Variants in ARSB observed in about 807,000 individuals in gnomAD.
ARSB encodes arylsulfatase B.
A neutral mutation model predicts 50.9 loss-of-function variants in ARSB; 41 were observed. The observed-to-expected ratio is 0.81, with a 90% CI of 0.63 to 1.04. The LOEUF (loss-of-function observed/expected upper bound fraction) is 1.04, where lower values mean the gene tolerates loss of function less well. Ranked by LOEUF, ARSB falls within the 50% of genes least tolerant of loss-of-function variation. The pLI is 0.00. For synonymous variants in ARSB, 269 were observed against 284.8 expected, an observed-to-expected ratio of 0.94 and a Z score of 0.56; for missense variants, 672 against 693.3, an observed-to-expected ratio of 0.97 and a Z score of 0.35.
At chr5:78,861,804 G>C (rs1460604436) in intron 5 of ARSB, among the ~76,000 whole-genome samples, 2 of 152,138 alleles carry the variant, frequency 1.3e-5, no homozygotes, top group African/African-American at 4.8e-5. Flanking sequence ...ATTCAATTAG[G>C]AAAAGAGGAA....
chr5:78,847,505 G>C (rs1745500156), intron 5 of ARSB, among the ~76,000 whole-genome samples: 3 of 152,076 alleles, frequency 2.0e-5, no homozygotes, highest in African/African-American at 7.2e-5. Context: ...TGTTCATTGG[G>C]GATACTGGCC....
chr5:78,976,496 T>C (rs1328045470), intron 1 of ARSB, among the ~76,000 whole-genome samples: 2 of 152,034 alleles, frequency 1.3e-5, no homozygotes, highest in East Asian at 3.9e-4. Context: ...TTTAACTTTT[T>C]ATAGAGATGG....
At chr5:78,790,998 C>A (rs1484407826) in intron 6 of ARSB, among the ~76,000 whole-genome samples, 1 of 152,158 alleles carries the variant, frequency 6.6e-6, no homozygotes, top group East Asian at 1.9e-4. Context: ...GTTTGTTTGG[C>A]CTGCCATTCA....
At chr5:78,823,955 AG>A (rs147329209) in intron 6 of ARSB, among the ~76,000 whole-genome samples, 4 of 152,058 alleles carry the variant, frequency 2.6e-5, no homozygotes, top group Non-Finnish European at 4.4e-5. Flanking sequence ...CCAATGTTGG[AG>A]GGGGGGCACA....
At chr5:78,799,126 A>G (rs548303014) in intron 6 of ARSB, among the ~76,000 whole-genome samples, 3 of 152,380 alleles carry the variant, frequency 2.0e-5, no homozygotes, top group Middle Eastern at 3.4e-3. Context: ...CATCTGAGAC[A>G]GTAAGCAAAG....
At chr5:78,784,942 G>A (rs540346917) in intron 6 of ARSB, among the ~76,000 whole-genome samples, 2 of 152,052 alleles carry the variant, frequency 1.3e-5, no homozygotes, top group South Asian at 4.2e-4. Flanking sequence ...GGGATTACAG[G>A]TGCATGCCAC....
intron 1 of ARSB, among the ~76,000 whole-genome samples, chr5:78,972,075 G>A (rs1407179208): frequency 6.6e-6 from 1 of 152,186 alleles, no homozygotes; most frequent in African/African-American, 2.4e-5. Context: ...GACCTATGAG[G>A]ATCAAGTCAA....
chr5:78,876,896 A>G (rs1747506668), intron 5 of ARSB, among the ~76,000 whole-genome samples: 1 of 152,280 alleles, frequency 6.6e-6, no homozygotes, highest in East Asian at 1.9e-4. Flanking sequence ...TGCGAATCCT[A>G]CTGTGAACTG....
chr5:78,856,308 A>G (rs1193653506), intron 5 of ARSB, among the ~76,000 whole-genome samples: 1 of 152,172 alleles, frequency 6.6e-6, no homozygotes, highest in Admixed American at 6.5e-5. Flanking sequence ...GTTCCTATAG[A>G]GCAAAAGATG....
chr5:78,872,812 TA>T (rs976138770), intron 5 of ARSB, among the ~76,000 whole-genome samples: 5 of 77,758 alleles, frequency 6.4e-5, no homozygotes, highest in African/African-American at 2.7e-4. Context: ...ACTTAAAGTA[TA>T]ATTAAAAAAA....
rs186184076 is a variant in ARSB, at chr5:78,847,755, A to G, written c.1143-8329T>C. On this transcript the variant is annotated intron_variant, in intron 5 of 7. Coordinates refer to ENST00000264914, the MANE Select transcript of ARSB (RefSeq NM_000046.5). ...CAATCTCATTACTTATAATTGGTCT[A>G]TTCAGGTTTTCTATTTCTTCTTGGT... is the stretch of plus-strand genomic sequence containing the variant. Among the ~76,000 whole-genome samples, 380 of 152,242 alleles carry G rather than the reference A, an allele frequency of 2.5e-3. 1 individual carries two copies. Among genetic ancestry groups the G allele is most frequent in the African/African-American group, 8.9e-3 (368 of 41,566 alleles).
At chr5:78,931,879 G>A (rs1190574113) in intron 4 of ARSB, among the ~76,000 whole-genome samples, 1 of 151,956 alleles carries the variant, frequency 6.6e-6, no homozygotes, top group African/African-American at 2.4e-5. Flanking sequence ...GTTCTCACAA[G>A]AGCTGATGGT....
chr5:78,781,785 T>C, intron 7 of ARSB, 67 bp downstream of exon 7: 1 of 1,603,832 alleles, frequency 6.2e-7, no homozygotes, highest in East Asian at 2.2e-5. Context: ...CTGGAGATAC[T>C]GCCCTGAGGA....
rs1273780347 is a variant in ARSB at position 78,887,332 on chromosome 5, T to C, written c.899-1505A>G. Among the ~76,000 whole-genome samples, 3 of 151,972 alleles carry C rather than the reference T, an allele frequency of 2.0e-5. 1 individual carries two copies. The East Asian group carries it at 5.8e-4, about 29-fold the overall frequency. On this transcript the variant is annotated intron_variant, in intron 4 of 7. Transcript: ENST00000264914. ...AGAGCCTCACTTTATAACAACCCAC[T>C]CTCATGGCGACTAATCCATTCCCTT...
chr5:78,935,945 T>TCCCCTCCCCC (rs1455224415), intron 4 of ARSB, among the ~76,000 whole-genome samples: 39 of 30,740 alleles, frequency 1.3e-3, no homozygotes, highest in African/African-American at 4.4e-3. Flanking sequence ...TCCCCTCCCC[T>TCCCCTCCCCC]CCCCTCCCCC....
intron 4 of ARSB, among the ~76,000 whole-genome samples, chr5:78,925,971 G>A (rs72762981): frequency 0.029 from 4,360 of 152,024 alleles, 93 homozygotes; most frequent in Non-Finnish European, 0.041. Context: ...TTTACTAATC[G>A]TGAGTTTGTC....
chr5:78,914,779 G>T (rs975783446), intron 4 of ARSB, among the ~76,000 whole-genome samples: 1 of 152,150 alleles, frequency 6.6e-6, no homozygotes, highest in Non-Finnish European at 1.5e-5. Context: ...CGATTCTCCT[G>T]CCTCAGCCTC....
rs1202455685 is a variant in ARSB, at chr5:78,981,914, C to CTTTT, written c.312+3019_312+3022dup. On this transcript the variant is annotated intron_variant, in intron 1 of 7. Coordinates refer to ENST00000264914, the MANE Select transcript of ARSB (RefSeq NM_000046.5). Reference sequence around the variant, plus strand: ...GACTGCCAAGTTCATAGATATGACTCTTTTTTTTTTTTTTTTTTTTGAGAC... The same window carrying CTTTT: ...GACTGCCAAGTTCATAGATATGACTCTTTTTTTTTTTTTTTTTTTTTTTTGAGAC... 9.3e-5 allele frequency among the ~76,000 whole-genome samples: 5 copies of CTTTT among 53,836 alleles called. 1 individual carries two copies. The highest frequency in any genetic ancestry group is 1.9e-4 in the Non-Finnish European group (5 of 26,272). The allele number at this position is 53,836 out of a possible 152,430, so 35.3% of individuals were successfully genotyped here.
At chr5:78,879,273 T>C (rs1173258306) in intron 5 of ARSB, among the ~76,000 whole-genome samples, 2 of 152,212 alleles carry the variant, frequency 1.3e-5, no homozygotes, top group Non-Finnish European at 2.9e-5. Context: ...AAACAACCTA[T>C]AGGCTGATTA....
Sources: gnomAD v4.1 joint callset for allele counts (sites outside exome capture counted in the v4.1 genomes callset) on GRCh38, gnomAD v4.1.1 for gene constraint, MANE v1.5 for transcripts, NCBI Gene and HGNC (gene_info 2026-07-23, HGNC 2026-07-21) for gene names.